Variants in PDE4B observed in about 807,000 individuals in gnomAD.
PDE4B encodes the protein 3',5'-cyclic-AMP phosphodiesterase 4B.
In PDE4B, 20 loss-of-function variants were observed where a neutral mutation model predicts 82.2. That is an observed-to-expected ratio of 0.24 (90% CI 0.17 to 0.35). The LOEUF is 0.35. Ranked by LOEUF, PDE4B falls within the 10% of genes least tolerant of loss-of-function variation. PDE4B has a pLI of 1.00. For synonymous variants in PDE4B, 320 were observed against 318.9 expected (o/e 1.00, Z -0.04); for missense variants, 655 against 907.2 (o/e 0.72, Z 3.57).
rs141954706 is a variant in PDE4B at position 66,039,637 on chromosome 1, C to T, written c.281+120802C>T. On this transcript the variant is annotated intron_variant, in intron 3 of 16. Coordinates refer to ENST00000341517, the MANE Select transcript of PDE4B (RefSeq NM_002600.4). ...GTATATACATATATGTACCCTGAAG[C>T]GAGATAAACATGGATTTAAATCGTG... Among the ~76,000 whole-genome samples, 118 of 151,984 alleles carry T rather than the reference C, an allele frequency of 7.8e-4. 4 individuals are homozygous for T. The highest frequency in any genetic ancestry group is 2.7e-3 in the African/African-American group (111 of 41,512).
At chr1:65,836,237 C>T (rs866132058) in intron 1 of PDE4B, among the ~76,000 whole-genome samples, 14 of 152,190 alleles carry the variant, frequency 9.2e-5, no homozygotes, top group Non-Finnish European at 5.9e-5. Flanking sequence ...CCACTGCACC[C>T]GGACTTAGTA....
At chr1:65,855,173 A>G (rs1043453123) in intron 1 of PDE4B, among the ~76,000 whole-genome samples, 1 of 150,798 alleles carries the variant, frequency 6.6e-6, no homozygotes, top group Non-Finnish European at 1.5e-5. Flanking sequence ...ATATTATTCT[A>G]TCTTTTCTGC....
chr1:66,170,628 TG>T lies in PDE4B; in HGVS notation c.282-76830del, dbSNP rs571475574. ...CTACTCCTAGATATATATTTTTGTG[TG>T]GCTAATGAATAGTTGATGAGTATGT... is the stretch of plus-strand genomic sequence containing the variant. On this transcript the variant is annotated intron_variant, in intron 3 of 16. Transcript: ENST00000341517. 3.2e-4 allele frequency among the ~76,000 whole-genome samples: 48 copies of T among 152,338 alleles called. 1 individual carries two copies. The South Asian group carries it at 9.3e-3, about 30-fold the overall frequency.
chr1:66,351,133 G>A (rs676591), intron 8 of PDE4B, among the ~76,000 whole-genome samples: 2,002 of 152,306 alleles, frequency 0.013, 34 homozygotes, highest in African/African-American at 0.046. Flanking sequence ...GAAGGCATCG[G>A]AGGAATTTTT....
intron 8 of PDE4B, among the ~76,000 whole-genome samples, chr1:66,344,718 G>A (rs913666026): frequency 7.9e-5 from 12 of 152,132 alleles, no homozygotes; most frequent in African/African-American, 1.9e-4. Flanking sequence ...GCTCCTTTTC[G>A]TAAAGTTAAT....
rs191987666 is a variant in PDE4B, at chr1:65,856,985, T to C, written c.-70-56260T>C. Among the ~76,000 whole-genome samples, 9 of 152,294 alleles carry C rather than the reference T, an allele frequency of 5.9e-5. No individual in the cohort carries two copies. The East Asian group carries it at 1.7e-3, about 29-fold the overall frequency. ...GAGTTATCCTTGACTTCTGATCTTG[T>C]CTTTGATGGTACAATTGAAATTCTG... On this transcript the variant is annotated intron_variant, in intron 1 of 16. Transcript: ENST00000341517.
chr1:66,269,083 C>T (rs1318054002), intron 7 of PDE4B, among the ~76,000 whole-genome samples: 1 of 152,118 alleles, frequency 6.6e-6, no homozygotes, highest in Non-Finnish European at 1.5e-5. Context: ...ATAAAATAAA[C>T]TTTTAATAAT....
chr1:65,938,993 T>C (rs188866608), intron 3 of PDE4B, among the ~76,000 whole-genome samples: 246 of 152,248 alleles, frequency 1.6e-3, no homozygotes, highest in African/African-American at 5.5e-3. Context: ...AATACTACTT[T>C]AGTCCAAGTG....
At chr1:66,093,150 G>A (rs909402005) in intron 3 of PDE4B, among the ~76,000 whole-genome samples, 26 of 152,084 alleles carry the variant, frequency 1.7e-4, no homozygotes, top group African/African-American at 5.8e-4. Flanking sequence ...TGGACTAGGG[G>A]TCAAACCAAG....
intron 3 of PDE4B, among the ~76,000 whole-genome samples, chr1:66,096,986 T>A (rs1459030646): frequency 6.6e-6 from 1 of 152,032 alleles, no homozygotes; most frequent in Non-Finnish European, 1.5e-5. Flanking sequence ...ATTCCATAAT[T>A]TATTTATGTA....
intron 7 of PDE4B, chr1:66,332,057 G>C: frequency 9.2e-7 from 1 of 1,081,582 alleles, no homozygotes; most frequent in Non-Finnish European, 1.1e-6. Flanking sequence ...AGCAAAATGA[G>C]AAAAAGCTTT....
chr1:65,801,382 T>C (rs1400781525), intron 1 of PDE4B, among the ~76,000 whole-genome samples: 4 of 152,218 alleles, frequency 2.6e-5, no homozygotes, highest in Non-Finnish European at 5.9e-5. Context: ...AGCAAAATAC[T>C]TTTCCAACTG....
At chr1:66,212,082 A>G (rs1328343451) in intron 3 of PDE4B, among the ~76,000 whole-genome samples, 1 of 152,184 alleles carries the variant, frequency 6.6e-6, no homozygotes, top group Non-Finnish European at 1.5e-5. Context: ...CAAGCCTATG[A>G]ACAAACTTGG....
At chr1:65,957,007 A>G (rs1175835166) in intron 3 of PDE4B, among the ~76,000 whole-genome samples, 1 of 151,836 alleles carries the variant, frequency 6.6e-6, no homozygotes, top group African/African-American at 2.4e-5. Flanking sequence ...CAATTTTCAG[A>G]TATTTATTTG....
chr1:65,931,682 G>A (rs1015529044), intron 3 of PDE4B, among the ~76,000 whole-genome samples: 7 of 152,162 alleles, frequency 4.6e-5, no homozygotes, highest in Non-Finnish European at 8.8e-5. Context: ...AACTAGTTGA[G>A]AGCCTCCTGC....
At chr1:65,843,196 G>T (rs761691523) in intron 1 of PDE4B, among the ~76,000 whole-genome samples, 10 of 152,024 alleles carry the variant, frequency 6.6e-5, no homozygotes, top group Admixed American at 6.6e-4. Flanking sequence ...TATATAGGAG[G>T]TATACTCAGG....
At chr1:66,262,525 A>G (rs1027770281) in intron 6 of PDE4B, among the ~76,000 whole-genome samples, 2 of 152,222 alleles carry the variant, frequency 1.3e-5, no homozygotes, top group Non-Finnish European at 2.9e-5. Flanking sequence ...CCCTATTTAT[A>G]TCACCATCTT....
intron 3 of PDE4B, among the ~76,000 whole-genome samples, chr1:65,994,984 CA>C (rs1455028096): frequency 6.6e-6 from 1 of 151,888 alleles, no homozygotes; most frequent in Non-Finnish European, 1.5e-5. Context: ...TTTCTGGCAG[CA>C]AAAGGAACAA....
At chr1:66,026,061 A>G (rs1487532897) in intron 3 of PDE4B, among the ~76,000 whole-genome samples, 1 of 152,234 alleles carries the variant, frequency 6.6e-6, no homozygotes. Context: ...ACAACTTCAA[A>G]TAAAAATGTA....
Sources: gnomAD v4.1 joint callset for allele counts (sites outside exome capture counted in the v4.1 genomes callset) on GRCh38, gnomAD v4.1.1 for gene constraint, MANE v1.5 for transcripts, NCBI Gene and HGNC (gene_info 2026-07-23, HGNC 2026-07-21) for gene names.